Variants in POC1B observed in about 807,000 individuals in gnomAD.
POC1B encodes the protein POC1 centriolar protein homolog B.
Under a neutral mutation model 60.6 loss-of-function variants are expected in POC1B, and 44 were observed. That is an observed-to-expected ratio of 0.73 (90% CI 0.57 to 0.93). The LOEUF (loss-of-function observed/expected upper bound fraction) is 0.93, where lower values mean the gene tolerates loss of function less well. Ranked by LOEUF, POC1B falls within the 40% of genes least tolerant of loss-of-function variation. The probability of loss-of-function intolerance (pLI) is 0.00; values close to 1 mark genes in which losing one functional copy is unlikely to be tolerated. For synonymous variants in POC1B, 180 were observed against 198.9 expected, an observed-to-expected ratio of 0.90 and a Z score of 0.80; for missense variants, 555 against 572.3, an observed-to-expected ratio of 0.97 and a Z score of 0.31.
Position 89,488,763 on chromosome 12 carries a change from G to A in POC1B, c.452+3173C>T, listed in dbSNP as rs148670217. ...CGGCCTCCCAAAGTGCTGGGATTAC[G>A]GGCATGAGTCACTGCGCAGGGCCAA... is the stretch of plus-strand genomic sequence containing the variant. On this transcript the variant is annotated intron_variant, in intron 4 of 11. Transcript: ENST00000313546. Among the ~76,000 whole-genome samples the A allele has an allele frequency of 2.8e-3, 420 of 152,136 alleles. 2 individuals carry two copies. Among genetic ancestry groups the A allele is most frequent in the African/African-American group, 8.4e-3 (348 of 41,490 alleles).
chr12:89,522,815 A>G (rs1031837720), intron 2 of POC1B: 19 of 1,576,226 alleles, frequency 1.2e-5, no homozygotes, highest in South Asian at 7.1e-5. Flanking sequence ...GTTGTGCTCT[A>G]TTTCTCAAAA....
intron 10 of POC1B, among the ~76,000 whole-genome samples, chr12:89,439,092 C>CTAAT (rs796260548): frequency 3.9e-4 from 60 of 152,344 alleles, no homozygotes; most frequent in African/African-American, 1.4e-3. Context: ...TAAGATGATC[C>CTAAT]TAATCCCAGC....
intron 11 of POC1B, among the ~76,000 whole-genome samples, chr12:89,424,799 G>T (rs1173857146): frequency 3.9e-5 from 6 of 152,044 alleles, no homozygotes; most frequent in African/African-American, 1.4e-4. Context: ...AGAGGCTTTG[G>T]GATAAGAGAA....
At chr12:89,404,843 T>A in the POC1B span, among the ~76,000 whole-genome samples, 1 of 152,208 alleles carries the variant, frequency 6.6e-6, no homozygotes, top group Non-Finnish European at 1.5e-5. Flanking sequence ...CTAAGTGTTC[T>A]CTTCTCCAGG....
At chr12:89,461,850 C>G (rs543307624) in intron 9 of POC1B, 6 of 152,148 alleles carry the variant, frequency 3.9e-5, no homozygotes, top group Non-Finnish European at 8.8e-5. Flanking sequence ...AACTCTAAGT[C>G]CAGAGTTGAG....
intron 8 of POC1B, 49 bp downstream of exon 8, chr12:89,467,568 G>T (rs752731974): frequency 6.1e-6 from 9 of 1,478,134 alleles, no homozygotes; most frequent in Admixed American, 3.5e-5. Context: ...TGAGGTCAAG[G>T]ATTCCTTTAC....
At chr12:89,401,961 G>A in the POC1B span, among the ~76,000 whole-genome samples, 1 of 152,184 alleles carries the variant, frequency 6.6e-6, no homozygotes, top group African/African-American at 2.4e-5. Context: ...TAATGTCAAA[G>A]TACAGTGCTT....
chr12:89,422,948 G>C (rs965593121), intron 11 of POC1B, among the ~76,000 whole-genome samples: 1 of 152,062 alleles, frequency 6.6e-6, no homozygotes, highest in Admixed American at 6.5e-5. Flanking sequence ...AAAAATAATG[G>C]TGATGCTGTT....
At chr12:89,507,050 C>T (rs915661750) in intron 2 of POC1B, among the ~76,000 whole-genome samples, 1 of 151,734 alleles carries the variant, frequency 6.6e-6, no homozygotes, top group African/African-American at 2.4e-5. Context: ...GGCAGCAGAT[C>T]ACTTCAGCCC....
chr12:89,478,519 C>G (rs560706797), intron 4 of POC1B, among the ~76,000 whole-genome samples: 13 of 152,206 alleles, frequency 8.5e-5, no homozygotes, highest in Non-Finnish European at 1.8e-4. Context: ...GCTCTATCCC[C>G]AGACACAGTG....
At chr12:89,516,956 A>C (rs1870468786) in intron 2 of POC1B, among the ~76,000 whole-genome samples, 1 of 152,180 alleles carries the variant, frequency 6.6e-6, no homozygotes, top group Non-Finnish European at 1.5e-5. Flanking sequence ...CATAATCATT[A>C]AGATCCTTTG....
chr12:89,491,644 A>G (rs1157234878), intron 4 of POC1B, among the ~76,000 whole-genome samples: 1 of 150,866 alleles, frequency 6.6e-6, no homozygotes, highest in Non-Finnish European at 1.5e-5. Flanking sequence ...AAAAAGAAAA[A>G]AAAAAAAGAA....
intron 3 of POC1B, among the ~76,000 whole-genome samples, chr12:89,493,352 A>C (rs1270975992): frequency 1.3e-5 from 2 of 152,222 alleles, no homozygotes; most frequent in African/African-American, 4.8e-5. Flanking sequence ...AGCATCTAGC[A>C]ATATGTCAAG....
chr12:89,488,017 T>C, intron 4 of POC1B, among the ~76,000 whole-genome samples: 1 of 152,190 alleles, frequency 6.6e-6, no homozygotes, highest in East Asian at 1.9e-4. Flanking sequence ...ACATACTTAA[T>C]ATAGCTATAT....
intron 2 of POC1B, chr12:89,500,229 G>C: frequency 6.3e-7 from 1 of 1,581,978 alleles, no homozygotes; most frequent in Non-Finnish European, 8.6e-7. Flanking sequence ...GAAGAAAAAA[G>C]TCTTGCCAAT....
intron 11 of POC1B, among the ~76,000 whole-genome samples, chr12:89,421,820 T>C (rs749559361): frequency 2.6e-4 from 39 of 152,260 alleles, no homozygotes; most frequent in Non-Finnish European, 1.3e-4. Context: ...GAGGATTGAA[T>C]AAAATAATGC....
At chr12:89,409,952 TTA>T in the POC1B span, among the ~76,000 whole-genome samples, 1 of 152,206 alleles carries the variant, frequency 6.6e-6, no homozygotes, top group Non-Finnish European at 1.5e-5. Context: ...CTATCTCATT[TTA>T]TGAGGCCAGC....
chr12:89,436,358 G>T lies in POC1B; in HGVS notation c.1114-10979C>A, dbSNP rs78914246. Among the ~76,000 whole-genome samples the T allele has an allele frequency of 8.6e-3, 1,317 of 152,260 alleles. 26 individuals carry two copies. The highest frequency in any genetic ancestry group is 0.03 in the African/African-American group (1,241 of 41,556). On this transcript the variant is annotated intron_variant, in intron 10 of 11. Transcript: ENST00000313546. ...GTTATGTTTCATAGCCATTAAACATGATGGGCTTTATCCATTTAAAATTTC... is the reference window on the plus strand; with the variant it reads ...GTTATGTTTCATAGCCATTAAACATTATGGGCTTTATCCATTTAAAATTTC...
Position 89,491,901 on chromosome 12 carries a change from T to C in POC1B, c.452+35A>G, listed in dbSNP as rs368312733. ...GGGCAAACATGAAGCAGAAAAAATA[T>C]GTGGACATCTTAATATGAAATTTTT... is the stretch of plus-strand genomic sequence containing the variant. On this transcript the variant is annotated intron_variant, in intron 4 of 11. Transcript: ENST00000313546. 51 of 1,434,316 alleles carry C rather than the reference T, an allele frequency of 3.6e-5. No individual in the cohort carries two copies. In the African/African-American group the frequency reaches 6.7e-4, roughly 19 times the overall value. The allele number at this position is 1,434,316 out of a possible 1,614,324, so 88.8% of individuals were successfully genotyped here.
Sources: gnomAD v4.1 joint callset for allele counts (sites outside exome capture counted in the v4.1 genomes callset) on GRCh38, gnomAD v4.1.1 for gene constraint, MANE v1.5 for transcripts, NCBI Gene and HGNC (gene_info 2026-07-23, HGNC 2026-07-21) for gene names.